CERS5: variants seen among roughly 807,000 people sequenced by gnomAD.
CERS5 encodes ceramide synthase 5.
Under a neutral mutation model 58.9 loss-of-function variants are expected in CERS5, and 37 were observed. That is an observed-to-expected ratio of 0.63 (90% CI 0.48 to 0.83). The LOEUF is 0.83. Among genes scored for constraint, CERS5 ranks in the 40% least tolerant of loss-of-function variants. The pLI, the probability that CERS5 is intolerant of heterozygous loss-of-function variation, is 0.00. For missense variants in CERS5, 398 were observed against 489.3 expected (o/e 0.81, Z 1.76); for synonymous variants, 147 against 177.8 (o/e 0.83, Z 1.38).
intron 1 of CERS5, chr12:50,166,371 TA>T (rs1300279029): frequency 6.0e-6 from 1 of 165,696 alleles, no homozygotes; most frequent in African/African-American, 2.4e-5. Context: ...TGGCTCAATA[TA>T]GCTGTCCTCT....
In CERS5 at chr12:50,130,592, T is replaced by A. The variant is rs763963160; in HGVS notation, c.1132A>T (p.Asn378Tyr). 2.5e-6 allele frequency: 4 copies of A among 1,612,796 alleles called. No homozygotes were observed. In the African/African-American group the frequency reaches 5.3e-5, roughly 22 times the overall value. The change falls in exon 10 of 10, where the codon AAT becomes TAT. Residue 378 changes from asparagine (N) to tyrosine (Y), a missense_variant. Transcript: ENST00000317551. ...CCTCCCATGTGACCATTCACCCGAT[T>A]GGCACCATTGCTGGAGCTACTGTCA... ...PCDSSSSNGA[N>Y]RVNGHMGGSY... is the part of the protein sequence containing the mutation.
At position 50,167,201 on chromosome 12, in the gene CERS5, C is replaced by A; in HGVS notation, c.97G>T (p.Glu33Ter). 6.2e-7 allele frequency: 1 copy of A among 1,607,470 alleles called. No homozygotes were observed. The highest frequency in any genetic ancestry group is 1.1e-5 in the South Asian group (1 of 90,872). ...LPENVSWADL[E>*]GPADGYGYPR... ...TAACCGTAGCCGTCGGCCGGCCCCT[C>A]CAGATCAGCCCAGCTCACGTTCTCG... The change falls in exon 1 of 10, where the codon GAG (glutamate) becomes TAG (stop). Residue 33 changes from glutamate to a stop codon, truncating the protein, a stop_gained. Coordinates refer to ENST00000317551, the MANE Select transcript of CERS5 (RefSeq NM_147190.5). LOFTEE classifies it high-confidence loss of function.
intron 9 of CERS5, chr12:50,134,112 G>T: frequency 5.6e-6 from 1 of 179,972 alleles, no homozygotes; most frequent in Non-Finnish European, 1.2e-5. Flanking sequence ...TTGGTGTGGT[G>T]GCTCACACCT....
rs752521271 is a variant in CERS5 at position 50,135,824 on chromosome 12, G to C, written c.780C>G (p.Ala260=). The C allele has an allele frequency of 6.2e-7, 1 of 1,613,778 alleles. No homozygotes were observed. Reference sequence around the variant, plus strand: ...AGAGCCGCTGATACTTGGCATAATTGGCCAGTTTGGCTGCCTGGAGAAAGG... The same window carrying C: ...AGAGCCGCTGATACTTGGCATAATTCGCCAGTTTGGCTGCCTGGAGAAAGG... The part of the protein sequence containing the change: ...SDFLLEAAKL[A]NYAKYQRLCD... The change falls in exon 8 of 10, where the codon GCC becomes GCG. Residue 260 remains alanine (A), a synonymous_variant. Coordinates refer to ENST00000317551, the MANE Select transcript of CERS5 (RefSeq NM_147190.5).
At position 50,138,385 on chromosome 12, in the gene CERS5, T is replaced by A. The variant is rs185070487; in HGVS notation, c.543+182A>T. Among the ~76,000 whole-genome samples, 11 of 147,154 alleles carry A rather than the reference T, an allele frequency of 7.5e-5. No homozygotes were observed. In the East Asian group the frequency reaches 2.4e-3, roughly 32 times the overall value. On this transcript the variant is annotated intron_variant, in intron 5 of 9. Coordinates refer to ENST00000317551, the MANE Select transcript of CERS5 (RefSeq NM_147190.5). ...GGGCCTCAGGAATAGATACCTCATA[T>A]GACTCTTAGCAGTGGGGGGGAAAAA...
At chr12:50,143,772 G>A (rs113667454) in intron 2 of CERS5, 180 bp downstream of exon 2, 5,966 of 515,324 alleles carry the variant, frequency 0.012, 286 homozygotes, top group African/African-American at 0.1. Flanking sequence ...CTTGACATAC[G>A]TAGGGCCCAA....
At chr12:50,136,140 T>G in intron 6 of CERS5, 71 bp from the exon 7 acceptor site, 1 of 1,362,556 alleles carries the variant, frequency 7.3e-7, no homozygotes, top group South Asian at 1.8e-5. Flanking sequence ...CCCAACGTCC[T>G]GCATTATTCT....
rs1312227643 is a variant in CERS5 at position 50,136,078 on chromosome 12, G to A, written c.637-9C>T. 1 of 1,478,246 alleles carries A rather than the reference G, an allele frequency of 6.8e-7. No individual in the cohort carries two copies. 91.6% of individuals were successfully genotyped at this position (1,478,246 alleles called of 1,614,324 possible). ...AACATGATCAGGAAGTCCTAGGAAG[G>A]AATGGAAATAGAAGAGGGAGGTAAA... On this transcript the variant is annotated splice_polypyrimidine_tract_variant and intron_variant, in intron 6 of 9. Coordinates refer to ENST00000317551, the MANE Select transcript of CERS5 (RefSeq NM_147190.5).
At chr12:50,140,839 ATTT>A (rs200589306) in intron 4 of CERS5, among the ~76,000 whole-genome samples, 3 of 134,888 alleles carry the variant, frequency 2.2e-5, no homozygotes, top group African/African-American at 2.7e-5. Context: ...ACCCTTAGTG[ATTT>A]TTTTTTTTTT....
At chr12:50,141,616 G>A (rs1410208197) in intron 4 of CERS5, among the ~76,000 whole-genome samples, 1 of 152,064 alleles carries the variant, frequency 6.6e-6, no homozygotes, top group Admixed American at 6.6e-5. Flanking sequence ...GGGCATCACA[G>A]AGGAAAAGTT....
intron 1 of CERS5, among the ~76,000 whole-genome samples, chr12:50,160,680 G>A (rs1939186163): frequency 6.6e-6 from 1 of 152,168 alleles, no homozygotes; most frequent in African/African-American, 2.4e-5. Flanking sequence ...TTGATCCCAG[G>A]GAAAATATGC....
chr12:50,156,946 A>T (rs1938728205), intron 1 of CERS5, among the ~76,000 whole-genome samples: 1 of 152,224 alleles, frequency 6.6e-6, no homozygotes. Context: ...TGAAGAATGC[A>T]AAACACTCAT....
chr12:50,142,105 C>T lies in CERS5; in HGVS notation c.440G>A (p.Arg147Lys). 1 of 1,603,488 alleles carries T rather than the reference C, an allele frequency of 6.2e-7. No individual in the cohort carries two copies. The highest frequency in any genetic ancestry group is 2.2e-5 in the East Asian group (1 of 44,808). ...TLTKFCESMW[R>K]FTFYLCIFCY... ...GAATATACATAAATAAAATGTGAAT[C>T]TCCACCTGGGTGGGCAAAGAGTAAA... The change falls in exon 4 of 10, where the codon AGA becomes AAA. Residue 147 changes from arginine to lysine, a missense_variant. This residue lies in a region of CERS5 where 328 missense variants were observed against 384.5 expected (regional missense o/e 0.85). Transcript: ENST00000317551.
chr12:50,136,185 T>G (rs1951689038), intron 6 of CERS5, 116 bp from the exon 7 acceptor site: 6 of 990,350 alleles, frequency 6.1e-6, no homozygotes, highest in African/African-American at 3.4e-5. Flanking sequence ...TAGAATAGTT[T>G]CCATTGGCCG....
chr12:50,155,716 G>A (rs1361301031), intron 1 of CERS5, among the ~76,000 whole-genome samples: 1 of 108,606 alleles, frequency 9.2e-6, no homozygotes, highest in Non-Finnish European at 1.7e-5. Context: ...CAGCCTGGGC[G>A]ACAGAGCGAG....
At chr12:50,146,023 C>T (rs535826308) in intron 1 of CERS5, among the ~76,000 whole-genome samples, 2 of 152,302 alleles carry the variant, frequency 1.3e-5, no homozygotes, top group South Asian at 4.1e-4. Context: ...TTTCTCCTAT[C>T]GACATAATTG....
rs767307020 is a variant in CERS5, at chr12:50,135,757, T to C, written c.847A>G (p.Thr283Ala). Residue 283 changes from threonine (T) to alanine (A), a missense_variant, in exon 8 of 10, where the codon ACA becomes GCA. Thr to Ala is a moderately conservative substitution (Grantham distance 58). Transcript: ENST00000317551. ...CAGAATGGATAGATTCCTAGTCGTG[T>C]AACCATAAAAACAGCACTGAAGATC... ...FVIFSAVFMV[T>A]RLGIYPFWIL... 1.2e-6 allele frequency: 2 copies of C among 1,613,648 alleles called. No homozygotes were observed. The highest frequency in any genetic ancestry group is 4.5e-5 in the East Asian group (2 of 44,886).
chr12:50,145,035 G>A, intron 1 of CERS5: 1 of 211,658 alleles, frequency 4.7e-6, no homozygotes, highest in East Asian at 1.0e-4. Flanking sequence ...CTACTTGGGA[G>A]GCTGAGGCAG....
At chr12:50,162,184 CTTTTTTTT>C (rs75460499) in intron 1 of CERS5, among the ~76,000 whole-genome samples, 43 of 129,372 alleles carry the variant, frequency 3.3e-4, no homozygotes, top group East Asian at 6.2e-4. Flanking sequence ...CTGATTTGTT[CTTTTTTTT>C]TTTTTTTTTT....
Sources: allele counts gnomAD v4.1 joint callset (sites outside exome capture counted in the v4.1 genomes callset), GRCh38; gene constraint gnomAD v4.1.1; regional missense constraint gnomAD v4.1.1; transcripts MANE v1.5; gene names NCBI Gene and HGNC (gene_info 2026-07-23, HGNC 2026-07-21).